Variants in KAT6B observed in about 807,000 individuals in gnomAD.
The protein encoded by KAT6B is histone acetyltransferase KAT6B.
In KAT6B, 10 loss-of-function variants were observed where a neutral mutation model predicts 187.5. The observed-to-expected ratio is 0.05, with a 90% CI of 0.03 to 0.09. The LOEUF (loss-of-function observed/expected upper bound fraction) is 0.09. Among genes scored for constraint, KAT6B ranks in the 10% least tolerant of loss-of-function variants. The pLI is 1.00. For missense variants in KAT6B, 1,952 were observed against 2,558.9 expected, an observed-to-expected ratio of 0.76 and a Z score of 5.12; for synonymous variants, 861 against 926.8, an observed-to-expected ratio of 0.93 and a Z score of 1.29.
Position 74,970,090 on chromosome 10 carries a change from G to C in KAT6B, c.917G>C (p.Arg306Thr). The change falls in exon 6 of 18, where the codon AGA becomes ACA. Residue 306 changes from arginine to threonine, a missense_variant. Coordinates refer to ENST00000287239, the MANE Select transcript of KAT6B (RefSeq NM_012330.4). ...HMECCDPPLS[R>T]MPKGMWICQV... ...GAATGCTGTGACCCACCACTTTCCA[G>C]AATGCCAAAAGGTGAACTTCTAAAC... 1 of 1,610,622 alleles carries C rather than the reference G, an allele frequency of 6.2e-7. No individual in the cohort carries two copies. The highest frequency in any genetic ancestry group is 2.2e-5 in the East Asian group (1 of 44,844).
At chr10:75,007,718 G>A (rs1363131359) in intron 13 of KAT6B, among the ~76,000 whole-genome samples, 1 of 152,130 alleles carries the variant, frequency 6.6e-6, no homozygotes, top group Non-Finnish European at 1.5e-5. Flanking sequence ...GTCATTTTAT[G>A]TATCTCTGTT....
chr10:75,012,289 A>C (rs1844662422), intron 13 of KAT6B, among the ~76,000 whole-genome samples: 1 of 152,116 alleles, frequency 6.6e-6, no homozygotes, highest in Non-Finnish European at 1.5e-5. Flanking sequence ...CTCTACAAAA[A>C]TACAAACATT....
intron 17 of KAT6B, among the ~76,000 whole-genome samples, chr10:75,026,721 A>T (rs554037401): frequency 2.0e-5 from 3 of 151,844 alleles, no homozygotes; most frequent in Admixed American, 6.6e-5. Flanking sequence ...GTCTTCTCAT[A>T]TTATGCCTGA....
intron 13 of KAT6B, among the ~76,000 whole-genome samples, chr10:75,013,963 G>A (rs771722537): frequency 1.6e-4 from 24 of 152,114 alleles, no homozygotes; most frequent in African/African-American, 2.2e-4. Flanking sequence ...TTTAAAATAC[G>A]GGTGCCCTGT....
chr10:74,927,440 G>C (rs1848587187), intron 3 of KAT6B, among the ~76,000 whole-genome samples: 1 of 148,126 alleles, frequency 6.8e-6, no homozygotes, highest in African/African-American at 2.6e-5. Context: ...ACCAGAGCCT[G>C]CTGCAAGAAA....
At chr10:74,940,615 C>G (rs1281805508) in intron 3 of KAT6B, among the ~76,000 whole-genome samples, 20 of 149,192 alleles carry the variant, frequency 1.3e-4, no homozygotes, top group African/African-American at 5.0e-4. Flanking sequence ...GAAGTTCTTG[C>G]TCTGTCGCCC....
chr10:74,830,769 T>TATATATGTATATATATATATATA (rs58702000), intron 1 of KAT6B, among the ~76,000 whole-genome samples: 7 of 7,738 alleles, frequency 9.0e-4, no homozygotes, highest in African/African-American at 2.1e-3. Context: ...TATATATATA[T>TATATATGTATATATATATATATA]TTTTTTTTTT....
chr10:74,893,829 A>G (rs1167752962), intron 3 of KAT6B, among the ~76,000 whole-genome samples: 1 of 152,026 alleles, frequency 6.6e-6, no homozygotes, highest in African/African-American at 2.4e-5. Context: ...GACAAAATCA[A>G]TCAACAATCT....
intron 13 of KAT6B, among the ~76,000 whole-genome samples, chr10:75,013,176 G>C (rs546355203): frequency 1.3e-5 from 2 of 152,160 alleles, no homozygotes; most frequent in South Asian, 4.2e-4. Flanking sequence ...ATCTGTCTTG[G>C]GACTGTCCCT....
At chr10:74,906,147 C>T (rs1467577482) in intron 3 of KAT6B, among the ~76,000 whole-genome samples, 1 of 152,122 alleles carries the variant, frequency 6.6e-6, no homozygotes, top group African/African-American at 2.4e-5. Context: ...CACCTGAAAT[C>T]CCAGCACTTT....
At chr10:74,832,789 C>T (rs547017721) in intron 1 of KAT6B, among the ~76,000 whole-genome samples, 5 of 152,084 alleles carry the variant, frequency 3.3e-5, no homozygotes, top group African/African-American at 9.6e-5. Context: ...CATAAGCCAC[C>T]AAGCCTGGCC....
chr10:75,006,391 A>G (rs1844204100), intron 13 of KAT6B, among the ~76,000 whole-genome samples: 4 of 152,236 alleles, frequency 2.6e-5, no homozygotes, highest in Non-Finnish European at 4.4e-5. Context: ...CCTTTCTTAC[A>G]TAAACTGTAC....
intron 3 of KAT6B, among the ~76,000 whole-genome samples, chr10:74,853,620 CTT>C (rs542210569): frequency 2.5e-4 from 31 of 122,538 alleles, no homozygotes; most frequent in Admixed American, 2.7e-4. Flanking sequence ...TAAGAAATGC[CTT>C]TTTTTTTTTT....
chr10:74,841,475 G>C (rs548942062), intron 2 of KAT6B, among the ~76,000 whole-genome samples: 1 of 152,112 alleles, frequency 6.6e-6, no homozygotes, highest in South Asian at 2.1e-4. Context: ...CTGTGCAGGA[G>C]AATCGCTTGA....
chr10:74,896,344 C>T (rs1260760494), intron 3 of KAT6B, among the ~76,000 whole-genome samples: 1 of 152,112 alleles, frequency 6.6e-6, no homozygotes, highest in Non-Finnish European at 1.5e-5. Flanking sequence ...GGCTGGAGTA[C>T]AGTGGCACGG....
At chr10:74,918,857 A>G (rs1455098179) in intron 3 of KAT6B, among the ~76,000 whole-genome samples, 1 of 152,160 alleles carries the variant, frequency 6.6e-6, no homozygotes, top group Non-Finnish European at 1.5e-5. Flanking sequence ...TGAAGATATT[A>G]TTTCATTGTC....
intron 3 of KAT6B, among the ~76,000 whole-genome samples, chr10:74,877,931 GAAA>G (rs111871596): frequency 2.3e-5 from 3 of 129,972 alleles, no homozygotes; most frequent in Non-Finnish European, 3.4e-5. Context: ...GATTGTAAAA[GAAA>G]AAAAAAAAGC....
In KAT6B at chr10:74,976,123, C is replaced by T. The variant is rs773778673; in HGVS notation, c.1786C>T (p.Arg596Trp). ...CTTTGGCAAAAGAGATATTAGAAGT[C>T]GGTTTATTTCTCACTCCTCCTCCTC... The part of the protein sequence containing the change: ...HFFGKRDIRS[R>W]FISHSSSSSW... Residue 596 changes from arginine to tryptophan, a missense_variant, in exon 8 of 18, where the codon CGG becomes TGG. Physicochemically the swap from Arg to Trp is moderately radical, Grantham distance 101. This residue lies in a region of KAT6B where 417 missense variants were observed against 508.9 expected (regional missense o/e 0.82). Coordinates refer to ENST00000287239, the MANE Select transcript of KAT6B (RefSeq NM_012330.4). 48 of 1,614,044 alleles carry T rather than the reference C, an allele frequency of 3.0e-5. No individual in the cohort carries two copies. Among genetic ancestry groups the T allele is most frequent in the Middle Eastern group, 1.6e-4 (1 of 6,084 alleles).
chr10:75,010,258 T>C (rs1844503084), intron 13 of KAT6B, among the ~76,000 whole-genome samples: 1 of 152,214 alleles, frequency 6.6e-6, no homozygotes, highest in South Asian at 2.1e-4. Flanking sequence ...TGGAGTGGGA[T>C]TGTTTGTCTA....
Sources: allele counts gnomAD v4.1 joint callset (sites outside exome capture counted in the v4.1 genomes callset), GRCh38; gene constraint gnomAD v4.1.1; regional missense constraint gnomAD v4.1.1; transcripts MANE v1.5; gene names NCBI Gene and HGNC (gene_info 2026-07-23, HGNC 2026-07-21).